CDH23: variants seen among roughly 807,000 people sequenced by gnomAD.
CDH23 encodes the protein cadherin related 23.
CDH23 carries 189 observed loss-of-function variants against 317.1 expected under a neutral mutation model. The ratio of observed to expected loss-of-function variants is 0.60; its 90% confidence interval spans 0.53 to 0.67. The LOEUF (loss-of-function observed/expected upper bound fraction) is 0.67, where lower values mean the gene tolerates loss of function less well. Ranked by LOEUF, CDH23 falls within the 30% of genes least tolerant of loss-of-function variation. The probability of loss-of-function intolerance (pLI) is 0.00; values close to 1 mark genes in which losing one functional copy is unlikely to be tolerated. For synonymous variants in CDH23, 1,839 were observed against 1,876.8 expected, an observed-to-expected ratio of 0.98 and a Z score of 0.52; for missense variants, 4,401 against 4,592.4, an observed-to-expected ratio of 0.96 and a Z score of 1.20.
chr10:71,598,489 G>C (rs1311662739), intron 9 of CDH23, among the ~76,000 whole-genome samples: 1 of 152,224 alleles, frequency 6.6e-6, no homozygotes, highest in Non-Finnish European at 1.5e-5. Flanking sequence ...GTGCTATAGG[G>C]TATCCACTGC....
chr10:71,481,401 G>A (rs865905023), intron 3 of CDH23, among the ~76,000 whole-genome samples: 12 of 152,224 alleles, frequency 7.9e-5, no homozygotes, highest in African/African-American at 2.4e-4. Context: ...GGGGAAAGGA[G>A]AGGTGTGTGA....
Position 71,741,813 on chromosome 10 carries a change from C to A in CDH23, c.4737C>A (p.Asp1579Glu). 2 of 1,612,220 alleles carry A rather than the reference C, an allele frequency of 1.2e-6. No homozygotes were observed. Among genetic ancestry groups the A allele is most frequent in the Non-Finnish European group, 1.7e-6 (2 of 1,179,242 alleles). The change falls in exon 38 of 70, where the codon GAC becomes GAA. Residue 1579 changes from aspartate to glutamate, a missense_variant. By Grantham distance (45) the Asp-to-Glu change is conservative. Around this residue, in one of 3 missense-constraint regions of CDH23, gnomAD observed 3,068 missense variants for 3,203.3 expected, o/e 0.96. Coordinates refer to ENST00000224721, the MANE Select transcript of CDH23 (RefSeq NM_022124.6). ...EGNKDMAFRM[D>E]RISGEIATRP... is the part of the protein sequence containing the mutation. The stretch of plus-strand genomic sequence containing the variant: ...ACAAGGACATGGCCTTCCGCATGGA[C>A]CGCATCAGCGGTGAGATCGCCACAC...
At chr10:71,747,225 G>A (rs1839873834) in intron 38 of CDH23, among the ~76,000 whole-genome samples, 1 of 152,210 alleles carries the variant, frequency 6.6e-6, no homozygotes, top group Non-Finnish European at 1.5e-5. Flanking sequence ...CCTAATGCAA[G>A]CAAGAGGGGT....
chr10:71,546,429 T>A (rs1196425561), intron 6 of CDH23, among the ~76,000 whole-genome samples: 1 of 152,006 alleles, frequency 6.6e-6, no homozygotes, highest in East Asian at 1.9e-4. Flanking sequence ...ACGCAAGCAA[T>A]TTTAAGGTGG....
intron 38 of CDH23, among the ~76,000 whole-genome samples, 183 bp from the exon 39 acceptor site, chr10:71,777,497 G>T (rs964180638): frequency 1.3e-5 from 2 of 152,178 alleles, no homozygotes; most frequent in African/African-American, 2.4e-5. Flanking sequence ...TACCTTACTT[G>T]GCTTTTGGTG....
At chr10:71,744,514 G>T (rs1054962143) in intron 38 of CDH23, among the ~76,000 whole-genome samples, 1 of 152,202 alleles carries the variant, frequency 6.6e-6, no homozygotes, top group Non-Finnish European at 1.5e-5. Flanking sequence ...TCTTGGGATT[G>T]GTCCCCATGG....
At chr10:71,757,530 C>T (rs1012674393) in intron 38 of CDH23, 3 of 152,404 alleles carry the variant, frequency 2.0e-5, no homozygotes, top group African/African-American at 4.8e-5. Context: ...CAAGCGTGGC[C>T]AGTGCCTGGG....
chr10:71,809,577 A>T (rs1841850443), intron 60 of CDH23, among the ~76,000 whole-genome samples: 3 of 152,174 alleles, frequency 2.0e-5, no homozygotes. Context: ...CTAGCATGGG[A>T]CAACAGAGTC....
chr10:71,621,239 C>T (rs1861451899), intron 11 of CDH23, among the ~76,000 whole-genome samples: 1 of 152,202 alleles, frequency 6.6e-6, no homozygotes, highest in Non-Finnish European at 1.5e-5. Context: ...TTGAAGGTGA[C>T]TCTGGATTTG....
intron 1 of CDH23, among the ~76,000 whole-genome samples, chr10:71,417,285 C>A (rs1848577605): frequency 6.6e-6 from 1 of 152,072 alleles, no homozygotes; most frequent in South Asian, 2.1e-4. Context: ...CCATGTTGGC[C>A]AGGCTGTTCT....
chr10:71,429,584 G>C (rs1003256038), intron 1 of CDH23, among the ~76,000 whole-genome samples: 2 of 152,172 alleles, frequency 1.3e-5, no homozygotes, highest in Non-Finnish European at 2.9e-5. Flanking sequence ...GGCTGAGAGG[G>C]GCTAGTGTGG....
intron 6 of CDH23, among the ~76,000 whole-genome samples, chr10:71,560,008 T>C (rs1273476380): frequency 1.3e-5 from 2 of 152,338 alleles, no homozygotes; most frequent in East Asian, 3.9e-4. Flanking sequence ...CTGTCCTCTG[T>C]GTGGACCTCG....
chr10:71,764,986 G>T (rs1367143669), intron 38 of CDH23, among the ~76,000 whole-genome samples: 1 of 152,246 alleles, frequency 6.6e-6, no homozygotes, highest in Non-Finnish European at 1.5e-5. Context: ...TTTTGTCCGT[G>T]CTGGCCTGGA....
intron 19 of CDH23, among the ~76,000 whole-genome samples, chr10:71,689,228 CAGTA>C (rs1865092796): frequency 1.3e-5 from 2 of 150,460 alleles, no homozygotes; most frequent in Non-Finnish European, 1.5e-5. Flanking sequence ...ATGGTGGAGT[CAGTA>C]TGGTGGAGTC....
At chr10:71,679,331 T>A in intron 16 of CDH23, 56 bp from the exon 17 acceptor site, 50 of 946,256 alleles carry the variant, frequency 5.3e-5, no homozygotes, top group Non-Finnish European at 6.9e-5. Context: ...GCCCACCCTC[T>A]TCTGGCCCCC....
chr10:71,790,180 C>A lies in CDH23; in HGVS notation c.5924-108C>A. ...CTCCCCACCCTGTCCACCTCACCTC[C>A]CTCCCCTCTCATCCATCGTCAGCCA... is the stretch of plus-strand genomic sequence containing the variant. On this transcript the variant is annotated intron_variant, in intron 45 of 69. Transcript: ENST00000224721. 2.1e-6 allele frequency: 3 copies of A among 1,458,784 alleles called. No individual in the cohort carries two copies. The African/African-American group carries it at 4.1e-5, about 20-fold the overall frequency. The allele number at this position is 1,458,784 out of a possible 1,614,324, so 90.4% of individuals were successfully genotyped here.
At chr10:71,525,843 G>T (rs184650187) in intron 6 of CDH23, among the ~76,000 whole-genome samples, 4 of 152,274 alleles carry the variant, frequency 2.6e-5, no homozygotes, top group Admixed American at 2.0e-4. Flanking sequence ...CAGCAGAGTG[G>T]CAGAGGCATG....
At chr10:71,505,193 A>G (rs1409409494) in intron 3 of CDH23, among the ~76,000 whole-genome samples, 1 of 152,182 alleles carries the variant, frequency 6.6e-6, no homozygotes, top group Non-Finnish European at 1.5e-5. Context: ...AGCCATAAAG[A>G]TGCGTTATTG....
intron 47 of CDH23, among the ~76,000 whole-genome samples, chr10:71,792,065 A>T (rs1841264848): frequency 6.6e-6 from 1 of 152,204 alleles, no homozygotes. Flanking sequence ...TTATAAAGCT[A>T]CAGTATTTAA....
Sources: allele counts gnomAD v4.1 joint callset (sites outside exome capture counted in the v4.1 genomes callset), GRCh38; gene constraint gnomAD v4.1.1; regional missense constraint gnomAD v4.1.1; transcripts MANE v1.5; gene names NCBI Gene and HGNC (gene_info 2026-07-23, HGNC 2026-07-21).